SLC25A21: variants seen among roughly 807,000 people sequenced by gnomAD.
SLC25A21 encodes the protein mitochondrial 2-oxodicarboxylate carrier.
SLC25A21 carries 47 observed loss-of-function variants against 43.8 expected under a neutral mutation model. That is an observed-to-expected ratio of 1.07 (90% CI 0.85 to 1.37). The LOEUF is 1.37. Ranked by LOEUF, SLC25A21 falls within the 40% of genes most tolerant of loss-of-function variation. The pLI is 0.00. For synonymous variants in SLC25A21, 131 were observed against 121.3 expected (o/e 1.08, Z -0.52); for missense variants, 352 against 350.2 (o/e 1.00, Z -0.04).
At chr14:36,689,936 C>A (rs77167888) in intron 7 of SLC25A21, among the ~76,000 whole-genome samples, 1,796 of 152,282 alleles carry the variant, frequency 0.012, 37 homozygotes, top group African/African-American at 0.041. Flanking sequence ...GGGGCTCTGG[C>A]TGTGTTGGGA....
chr14:36,967,689 C>A (rs973674561), intron 1 of SLC25A21, among the ~76,000 whole-genome samples: 5 of 152,174 alleles, frequency 3.3e-5, no homozygotes, highest in African/African-American at 4.8e-5. Flanking sequence ...AATCAAATGT[C>A]AACCGAATCC....
chr14:36,889,457 C>T (rs1891017862), intron 1 of SLC25A21, among the ~76,000 whole-genome samples: 1 of 152,102 alleles, frequency 6.6e-6, no homozygotes, highest in African/African-American at 2.4e-5. Context: ...TACATTAGTA[C>T]TGATGGGAAA....
intron 1 of SLC25A21, among the ~76,000 whole-genome samples, chr14:37,056,318 G>A (rs1408962211): frequency 6.6e-5 from 10 of 151,800 alleles, no homozygotes; most frequent in South Asian, 2.1e-4. Flanking sequence ...GTGAAACCCC[G>A]TCTCTACTAA....
intron 1 of SLC25A21, among the ~76,000 whole-genome samples, chr14:37,123,406 C>G (rs564044540): frequency 2.0e-5 from 3 of 152,290 alleles, no homozygotes; most frequent in African/African-American, 7.2e-5. Flanking sequence ...TCTGAGGAAG[C>G]AATTTTTAAA....
rs565300526 is a variant in SLC25A21, at chr14:36,943,406, G to A, written c.71-68402C>T. Among the ~76,000 whole-genome samples the A allele has an allele frequency of 1.6e-4, 24 of 152,282 alleles. 1 individual carries two copies. Among genetic ancestry groups the A allele is most frequent in the Admixed American group, 5.9e-4 (9 of 15,302 alleles). ...ACCCTTTCACCATGTTGGCCAGGCT[G>A]GTCTTGAGCTCCTGGCCTCATGTGA... On this transcript the variant is annotated intron_variant, in intron 1 of 9. Coordinates refer to ENST00000331299, the MANE Select transcript of SLC25A21 (RefSeq NM_030631.4).
chr14:36,689,614 T>C (rs1220927732), intron 7 of SLC25A21, among the ~76,000 whole-genome samples: 1 of 152,162 alleles, frequency 6.6e-6, no homozygotes, highest in Non-Finnish European at 1.5e-5. Context: ...CACACATTCC[T>C]GCTCTGGAGT....
chr14:36,825,366 C>T (rs2138469269), intron 2 of SLC25A21, among the ~76,000 whole-genome samples: 1 of 152,268 alleles, frequency 6.6e-6, no homozygotes, highest in South Asian at 2.1e-4. Flanking sequence ...GGTGTGGTTT[C>T]ATTATCATCA....
chr14:37,072,762 A>G (rs2138827490), intron 1 of SLC25A21, among the ~76,000 whole-genome samples: 1 of 152,358 alleles, frequency 6.6e-6, no homozygotes, highest in East Asian at 1.9e-4. Context: ...CAAAAAAGAA[A>G]AAAAAGAAAA....
intron 3 of SLC25A21, among the ~76,000 whole-genome samples, chr14:36,807,416 T>C (rs1385420457): frequency 6.6e-6 from 1 of 152,174 alleles, no homozygotes; most frequent in Admixed American, 6.6e-5. Flanking sequence ...TGGAATTTTG[T>C]TAAGTTGGAA....
rs1034563737 is a variant in SLC25A21 at position 37,171,077 on chromosome 14, G to A, written c.70+1204C>T. 5.7e-4 allele frequency among the ~76,000 whole-genome samples: 76 copies of A among 133,662 alleles called. 1 individual carries two copies. Among genetic ancestry groups the A allele is most frequent in the African/African-American group, 2.1e-3 (76 of 36,296 alleles). The allele number at this position is 133,662 out of a possible 152,430, so 87.7% of individuals were successfully genotyped here. A position where few individuals can be genotyped will look rare whatever the true frequency, so the allele number is the denominator to read the frequency against. On this transcript the variant is annotated intron_variant, in intron 1 of 9. Coordinates refer to ENST00000331299, the MANE Select transcript of SLC25A21 (RefSeq NM_030631.4). ...ATCCAGCTCCGGTGCCTTCCAGTCT[G>A]GGCAACAGAGAGAGACTCCATCGAA...
intron 3 of SLC25A21, among the ~76,000 whole-genome samples, chr14:36,757,676 C>T (rs183949854): frequency 1.2e-3 from 184 of 152,298 alleles, no homozygotes; most frequent in East Asian, 4.6e-3. Flanking sequence ...AGTCTCAATA[C>T]TTATGGACAT....
At chr14:37,079,245 C>T (rs1962340285) in intron 1 of SLC25A21, among the ~76,000 whole-genome samples, 1 of 152,118 alleles carries the variant, frequency 6.6e-6, no homozygotes, top group African/African-American at 2.4e-5. Flanking sequence ...ACTTTTCTAA[C>T]TGCCTAGTGA....
chr14:36,766,579 C>A (rs1010781810), intron 3 of SLC25A21, among the ~76,000 whole-genome samples: 9 of 152,158 alleles, frequency 5.9e-5, no homozygotes, highest in African/African-American at 2.2e-4. Context: ...CTTTTCTTCA[C>A]AAGTTGCAAC....
At chr14:36,833,748 C>T (rs907111380) in intron 2 of SLC25A21, among the ~76,000 whole-genome samples, 1 of 152,160 alleles carries the variant, frequency 6.6e-6, no homozygotes, top group African/African-American at 2.4e-5. Context: ...CATGAGAACA[C>T]CAAAATCTGG....
At position 36,679,257 on chromosome 14, in the gene SLC25A21, C is replaced by A. The variant is rs1349497730; in HGVS notation, c.*1401G>T. The A allele has an allele frequency of 1.0e-6, 1 of 983,272 alleles. No individual in the cohort carries two copies. Among genetic ancestry groups the A allele is most frequent in the Non-Finnish European group, 1.2e-6 (1 of 828,236 alleles). The allele number at this position is 983,272 out of a possible 1,614,324, so 60.9% of individuals were successfully genotyped here. A position where few individuals can be genotyped will look rare whatever the true frequency, so the allele number is the denominator to read the frequency against. ...ACTGAAATATAAATTTTAAAAAACA[C>A]GTTGGAAAGGATGTACAACAGAAGG... On this transcript the variant is annotated 3_prime_UTR_variant, in exon 10 of 10. Transcript: ENST00000331299.
chr14:37,145,493 T>G (rs1963649898), intron 1 of SLC25A21, among the ~76,000 whole-genome samples: 1 of 143,400 alleles, frequency 7.0e-6, no homozygotes, highest in Admixed American at 6.9e-5. Flanking sequence ...ATGAGCTAAA[T>G]AACTCTTTGG....
At position 36,743,211 on chromosome 14, in the gene SLC25A21, C is replaced by T. The variant is rs143356942; in HGVS notation, c.204-8638G>A. Among the ~76,000 whole-genome samples, 899 of 152,218 alleles carry T rather than the reference C, an allele frequency of 5.9e-3. 4 individuals are homozygous for T. The highest frequency in any genetic ancestry group is 8.0e-3 in the Non-Finnish European group (542 of 67,986). On this transcript the variant is annotated intron_variant, in intron 3 of 9. Coordinates refer to ENST00000331299, the MANE Select transcript of SLC25A21 (RefSeq NM_030631.4). ...AAAAGTGAAAAAGATACTTGAGAAGCAACCAAAGAGGTGAATAGTATTGGT... is the reference window on the plus strand; with the variant it reads ...AAAAGTGAAAAAGATACTTGAGAAGTAACCAAAGAGGTGAATAGTATTGGT...
chr14:36,685,201 G>A (rs1882482315), intron 7 of SLC25A21, among the ~76,000 whole-genome samples: 1 of 152,140 alleles, frequency 6.6e-6, no homozygotes, highest in Admixed American at 6.5e-5. Context: ...TGGCATATGG[G>A]GATGATTTGT....
At chr14:36,759,905 T>C (rs900904460) in intron 3 of SLC25A21, among the ~76,000 whole-genome samples, 1 of 151,962 alleles carries the variant, frequency 6.6e-6, no homozygotes, top group Non-Finnish European at 1.5e-5. Flanking sequence ...GAGGCGGAGA[T>C]TGCAGTGAGC....
Sources: gnomAD v4.1 joint callset for allele counts (sites outside exome capture counted in the v4.1 genomes callset) on GRCh38, gnomAD v4.1.1 for gene constraint, MANE v1.5 for transcripts, NCBI Gene and HGNC (gene_info 2026-07-23, HGNC 2026-07-21) for gene names.